Variants in SMAD2 observed in about 807,000 individuals in gnomAD.
SMAD2 encodes MAD homolog 2.
SMAD2 carries 8 observed loss-of-function variants against 64.4 expected under a neutral mutation model. The ratio of observed to expected loss-of-function variants is 0.12; its 90% CI spans 0.07 to 0.22. SMAD2 has a LOEUF of 0.22. Ranked by LOEUF, SMAD2 falls within the 10% of genes least tolerant of loss-of-function variation. The pLI is 1.00. For synonymous variants in SMAD2, 203 were observed against 195.8 expected (o/e 1.04, Z -0.31); for missense variants, 289 against 561.2 (o/e 0.51, Z 4.90).
At chr18:47,913,989 G>A (rs992648933) in intron 1 of SMAD2, among the ~76,000 whole-genome samples, 1 of 152,134 alleles carries the variant, frequency 6.6e-6, no homozygotes, top group East Asian at 1.9e-4. Flanking sequence ...AGGATTCTAC[G>A]ATTACTCACC....
chr18:47,894,921 C>T (rs1242210602), intron 2 of SMAD2, among the ~76,000 whole-genome samples: 1 of 152,112 alleles, frequency 6.6e-6, no homozygotes, highest in Admixed American at 6.5e-5. Context: ...TCCTCAGTTC[C>T]ACTTCTAAAA....
At chr18:47,860,158 T>C (rs1054833597) in intron 6 of SMAD2, among the ~76,000 whole-genome samples, 10 of 151,902 alleles carry the variant, frequency 6.6e-5, no homozygotes, top group African/African-American at 1.9e-4. Context: ...ATGACTTAAA[T>C]GAAATGAACA....
chr18:47,924,123 C>G (rs1488320662), intron 1 of SMAD2, among the ~76,000 whole-genome samples: 2 of 151,768 alleles, frequency 1.3e-5, no homozygotes, highest in Non-Finnish European at 1.5e-5. Flanking sequence ...TGGCGCATGC[C>G]TGTAATCCTA....
Position 47,814,632 on chromosome 18 carries a change from ACTTTCCTGGCATAG to A in SMAD2, c.*27181_*27194del. On this transcript the variant is annotated 3_prime_UTR_variant, in exon 11 of 11. Transcript: ENST00000262160. ...CTTGGAGCAGCAGGGTTAGTCAACTACTTTCCTGGCATAGCCTGGGGAAGACTGCAAGCCACTCA... is the reference window on the plus strand; with the variant it reads ...CTTGGAGCAGCAGGGTTAGTCAACTACCTGGGGAAGACTGCAAGCCACTCA... 1 of 152,324 alleles carries A rather than the reference ACTTTCCTGGCATAG, an allele frequency of 6.6e-6. No homozygotes were observed. The highest frequency in any genetic ancestry group is 1.5e-5 in the Non-Finnish European group (1 of 68,044). The allele number at this position is 152,324 out of a possible 1,614,324, so 9.4% of individuals were successfully genotyped here.
chr18:47,916,431 T>C (rs1193018746), intron 1 of SMAD2, among the ~76,000 whole-genome samples: 2 of 152,116 alleles, frequency 1.3e-5, no homozygotes, highest in African/African-American at 2.4e-5. Flanking sequence ...TTTTGTTTTG[T>C]TTTGAGACAG....
rs938898610 is a variant in SMAD2, at chr18:47,832,648, GATT to G, written c.*9176_*9178del. The G allele has an allele frequency of 6.6e-6, 1 of 151,968 alleles. No homozygotes were observed. The highest frequency in any genetic ancestry group is 1.5e-5 in the Non-Finnish European group (1 of 67,994). 9.4% of individuals were successfully genotyped at this position (151,968 alleles called of 1,614,324 possible). ...TCTCATTTTTAAAATTATTCATACTGATTATATGAGATTATATCTTATCTAGTA... is the reference window on the plus strand; with the variant it reads ...TCTCATTTTTAAAATTATTCATACTGATATGAGATTATATCTTATCTAGTA... On this transcript the variant is annotated 3_prime_UTR_variant, in exon 11 of 11. Coordinates refer to ENST00000262160, the MANE Select transcript of SMAD2 (RefSeq NM_005901.6).
At position 47,896,835 on chromosome 18, in the gene SMAD2, G is replaced by A. The variant is rs1416432149; in HGVS notation, c.-53-26C>T. 13 of 1,548,962 alleles carry A rather than the reference G, an allele frequency of 8.4e-6. No individual in the cohort carries two copies. In the East Asian group the frequency reaches 2.4e-4, roughly 29 times the overall value. ...CTAGCAGAAATATTGAAAGGATGATGTAGAGACTACCTTGAACATCAAGTA... is the reference window on the plus strand; with the variant it reads ...CTAGCAGAAATATTGAAAGGATGATATAGAGACTACCTTGAACATCAAGTA... On this transcript the variant is annotated intron_variant, in intron 1 of 10. Transcript: ENST00000262160.
intron 2 of SMAD2, among the ~76,000 whole-genome samples, chr18:47,891,014 G>C (rs2033163054): frequency 6.6e-6 from 1 of 152,064 alleles, no homozygotes; most frequent in Non-Finnish European, 1.5e-5. Context: ...TTAAAAGTCT[G>C]TAAGAGGTGG....
chr18:47,926,453 C>A (rs2034766937), intron 1 of SMAD2, among the ~76,000 whole-genome samples: 1 of 152,114 alleles, frequency 6.6e-6, no homozygotes, highest in Non-Finnish European at 1.5e-5. Context: ...ATTATCCTCA[C>A]CGAGCTGTTA....
In SMAD2 at chr18:47,850,237, TATTA is replaced by T. The variant is rs1568039879; in HGVS notation, c.784+1033_784+1036del. On this transcript the variant is annotated intron_variant, in intron 7 of 10. Transcript: ENST00000262160. ...ATATATATGTATAATATATATTATATATTATATATTATATATATTATGTATAATA... is the reference window on the plus strand; with the variant it reads ...ATATATATGTATAATATATATTATATTATATTATATATATTATGTATAATA... Among the ~76,000 whole-genome samples, 27 of 49,648 alleles carry T rather than the reference TATTA, an allele frequency of 5.4e-4. No individual in the cohort carries two copies. In the Admixed American group the frequency reaches 5.5e-3, roughly 10 times the overall value. 32.6% of individuals were successfully genotyped at this position (49,648 alleles called of 152,430 possible). A position where few individuals can be genotyped will look rare whatever the true frequency, so the allele number is the denominator to read the frequency against.
At position 47,812,975 on chromosome 18, in the gene SMAD2, G is replaced by T. The variant is rs956814762; in HGVS notation, c.*28852C>A. The T allele has an allele frequency of 1.3e-5, 2 of 152,244 alleles. No individual in the cohort carries two copies. The highest frequency in any genetic ancestry group is 4.8e-5 in the African/African-American group (2 of 41,430). The allele number at this position is 152,244 out of a possible 1,614,324, so 9.4% of individuals were successfully genotyped here. On this transcript the variant is annotated 3_prime_UTR_variant, in exon 11 of 11. Coordinates refer to ENST00000262160, the MANE Select transcript of SMAD2 (RefSeq NM_005901.6). ...TCACACCTGTAATCCCAGCAGTTTG[G>T]GAGACCAAGGCAGGTGGATCACCTG...
rs1284266984 is a variant in SMAD2 at position 47,815,732 on chromosome 18, G to C, written c.*26095C>G. ...AACAAGGTTTGTGTGAACTGGTCTCGACACACTTGGCTGTGAATAGCAGGG... is the reference window on the plus strand; with the variant it reads ...AACAAGGTTTGTGTGAACTGGTCTCCACACACTTGGCTGTGAATAGCAGGG... On this transcript the variant is annotated 3_prime_UTR_variant, in exon 11 of 11. Transcript: ENST00000262160. 3 of 152,234 alleles carry C rather than the reference G, an allele frequency of 2.0e-5. No homozygotes were observed. Among genetic ancestry groups the C allele is most frequent in the Non-Finnish European group, 4.4e-5 (3 of 68,062 alleles). The allele number at this position is 152,234 out of a possible 1,614,324, so 9.4% of individuals were successfully genotyped here. A position where few individuals can be genotyped will look rare whatever the true frequency, so the allele number is the denominator to read the frequency against.
chr18:47,926,766 G>A (rs2034784009), intron 1 of SMAD2, among the ~76,000 whole-genome samples: 1 of 152,114 alleles, frequency 6.6e-6, no homozygotes, highest in African/African-American at 2.4e-5. Context: ...AACAGTGTAG[G>A]CAAATCATTT....
At chr18:47,863,043 C>T (rs1280071815) in intron 6 of SMAD2, among the ~76,000 whole-genome samples, 4 of 151,612 alleles carry the variant, frequency 2.6e-5, no homozygotes, top group African/African-American at 4.8e-5. Flanking sequence ...CTTATTATGC[C>T]TAATTTATCC....
Position 47,841,577 on chromosome 18 carries a change from A to T in SMAD2, c.*250T>A, listed in dbSNP as rs547532341. 1.9e-6 allele frequency: 1 copy of T among 528,940 alleles called. No homozygotes were observed. Among genetic ancestry groups the T allele is most frequent in the African/African-American group, 1.9e-5 (1 of 52,676 alleles). 32.8% of individuals were successfully genotyped at this position (528,940 alleles called of 1,614,324 possible). On this transcript the variant is annotated 3_prime_UTR_variant, in exon 11 of 11. Coordinates refer to ENST00000262160, the MANE Select transcript of SMAD2 (RefSeq NM_005901.6). ...TTTGGGACACTCAGTTTTATGCCCAATAAGACATCATTAAGTCTTTAAAAT... is the reference window on the plus strand; with the variant it reads ...TTTGGGACACTCAGTTTTATGCCCATTAAGACATCATTAAGTCTTTAAAAT...
At chr18:47,865,372 C>A (rs567456024) in intron 5 of SMAD2, among the ~76,000 whole-genome samples, 3 of 152,116 alleles carry the variant, frequency 2.0e-5, no homozygotes, top group African/African-American at 7.2e-5. Flanking sequence ...ACATTATGTA[C>A]GTATCTTGCT....
intron 6 of SMAD2, among the ~76,000 whole-genome samples, chr18:47,856,881 G>A (rs968073360): frequency 1.8e-4 from 22 of 124,870 alleles, no homozygotes; most frequent in Admixed American, 9.3e-4. Flanking sequence ...TTTTTGAGAC[G>A]GAGTCTCGCT....
chr18:47,893,964 A>C (rs2033322942), intron 2 of SMAD2, among the ~76,000 whole-genome samples: 1 of 152,112 alleles, frequency 6.6e-6, no homozygotes, highest in Non-Finnish European at 1.5e-5. Flanking sequence ...GTGAGAGGGC[A>C]GAAAAAAATG....
intron 2 of SMAD2, among the ~76,000 whole-genome samples, chr18:47,881,873 TTTTG>T (rs540862304): frequency 1.5e-4 from 23 of 152,060 alleles, no homozygotes; most frequent in East Asian, 3.9e-4. Flanking sequence ...TACATAGTTT[TTTTG>T]TTTGTTTGTT....
Sources: allele counts gnomAD v4.1 joint callset (sites outside exome capture counted in the v4.1 genomes callset), GRCh38; gene constraint gnomAD v4.1.1; transcripts MANE v1.5; gene names NCBI Gene and HGNC (gene_info 2026-07-23, HGNC 2026-07-21).